The following CACNB2 variants were observed in gnomAD, a reference collection of about 807,000 sequenced individuals.
CACNB2 encodes calcium voltage-gated channel auxiliary subunit beta 2.
A neutral mutation model predicts 73.3 loss-of-function variants in CACNB2; 42 were observed. That is an observed-to-expected ratio of 0.57 (90% confidence interval 0.45 to 0.74). The LOEUF (loss-of-function observed/expected upper bound fraction) is 0.74. Among genes scored for constraint, CACNB2 ranks in the 30% least tolerant of loss-of-function variants. The pLI is 0.00. For missense variants in CACNB2, 940 were observed against 853.0 expected (o/e 1.10, Z -1.27); for synonymous variants, 348 against 310.3 (o/e 1.12, Z -1.28).
chr10:18,275,199 A>C (rs17682394), intron 2 of CACNB2, among the ~76,000 whole-genome samples: 1 of 152,132 alleles, frequency 6.6e-6, no homozygotes, highest in African/African-American at 2.4e-5. Flanking sequence ...CAGAGTTCCT[A>C]CAGATACCCC....
chr10:18,159,308 T>C (rs2032284499), intron 2 of CACNB2, among the ~76,000 whole-genome samples: 1 of 152,174 alleles, frequency 6.6e-6, no homozygotes, highest in African/African-American at 2.4e-5. Flanking sequence ...TTTCCATAGG[T>C]TGCTGCGTTG....
intron 2 of CACNB2, among the ~76,000 whole-genome samples, chr10:18,281,551 C>G (rs1278161855): frequency 4.6e-5 from 7 of 152,298 alleles, no homozygotes; most frequent in Middle Eastern, 6.8e-3. Context: ...AGATTGGGAG[C>G]TTCCCTTCCG....
At chr10:18,386,357 C>G (rs1272649427) in intron 2 of CACNB2, among the ~76,000 whole-genome samples, 2 of 150,198 alleles carry the variant, frequency 1.3e-5, no homozygotes, top group Non-Finnish European at 3.0e-5. Context: ...CTGTATATAT[C>G]ATCAGTATAT....
At chr10:18,461,764 CTTTTT>C (rs35385599) in intron 3 of CACNB2, among the ~76,000 whole-genome samples, 4 of 68,008 alleles carry the variant, frequency 5.9e-5, no homozygotes, top group East Asian at 8.4e-4. Flanking sequence ...TTCGATAAAG[CTTTTT>C]TTTTTTTTTT....
intron 3 of CACNB2, among the ~76,000 whole-genome samples, chr10:18,422,374 CT>C (rs1442627352): frequency 3.3e-5 from 5 of 152,196 alleles, no homozygotes; most frequent in Non-Finnish European, 7.3e-5. Context: ...CCCGATTGTC[CT>C]TTTTCCCTGG....
At chr10:18,382,839 G>T (rs1031585310) in intron 2 of CACNB2, among the ~76,000 whole-genome samples, 1 of 152,152 alleles carries the variant, frequency 6.6e-6, no homozygotes, top group African/African-American at 2.4e-5. Context: ...GAATAGTACT[G>T]CAATGTACAT....
chr10:18,506,936 C>T (rs1007511084), intron 6 of CACNB2, among the ~76,000 whole-genome samples: 1 of 152,174 alleles, frequency 6.6e-6, no homozygotes, highest in African/African-American at 2.4e-5. Context: ...GTAGCTGGGA[C>T]TACAGGTGCA....
intron 3 of CACNB2, among the ~76,000 whole-genome samples, chr10:18,486,631 C>T (rs915671483): frequency 2.0e-5 from 3 of 152,130 alleles, no homozygotes; most frequent in African/African-American, 7.2e-5. Flanking sequence ...TTAGTTCTTG[C>T]GTATACCCAT....
intron 2 of CACNB2, among the ~76,000 whole-genome samples, chr10:18,162,184 A>G (rs554718073): frequency 4.6e-5 from 7 of 152,322 alleles, no homozygotes; most frequent in Admixed American, 3.9e-4. Flanking sequence ...TTATACTTCC[A>G]TTTCTCATAG....
At chr10:18,220,170 CACAT>C (rs2035692729) in intron 2 of CACNB2, among the ~76,000 whole-genome samples, 4 of 62,900 alleles carry the variant, frequency 6.4e-5, no homozygotes, top group South Asian at 8.8e-4. Context: ...CACACACACA[CACAT>C]ACATATATAT....
intron 2 of CACNB2, among the ~76,000 whole-genome samples, chr10:18,392,199 C>T (rs1182778295): frequency 2.0e-5 from 3 of 151,912 alleles, no homozygotes; most frequent in African/African-American, 7.3e-5. Flanking sequence ...AGCGAGGTGG[C>T]AGGGAGAGGG....
intron 2 of CACNB2, chr10:18,260,804 G>A: frequency 9.8e-7 from 1 of 1,019,154 alleles, no homozygotes; most frequent in Non-Finnish European, 1.2e-6. Context: ...ATAAACAGCA[G>A]CAGGAGTAGG....
chr10:18,275,928 A>G (rs1353242800), intron 2 of CACNB2, among the ~76,000 whole-genome samples: 1 of 152,228 alleles, frequency 6.6e-6, no homozygotes, highest in East Asian at 1.9e-4. Context: ...GTTTCAAAAT[A>G]CGTTACTTAA....
chr10:18,213,753 G>T (rs1044811951), intron 2 of CACNB2, among the ~76,000 whole-genome samples: 1 of 152,206 alleles, frequency 6.6e-6, no homozygotes, highest in Non-Finnish European at 1.5e-5. Context: ...TACTTGCAAA[G>T]AAATATAATA....
intron 2 of CACNB2, among the ~76,000 whole-genome samples, chr10:18,223,105 G>A (rs1407635912): frequency 6.6e-6 from 1 of 152,112 alleles, no homozygotes; most frequent in Non-Finnish European, 1.5e-5. Flanking sequence ...ATATTTATGG[G>A]CATGACACAC....
At chr10:18,431,705 A>G (rs1054906315) in intron 3 of CACNB2, among the ~76,000 whole-genome samples, 1 of 152,238 alleles carries the variant, frequency 6.6e-6, no homozygotes, top group African/African-American at 2.4e-5. Context: ...GCCAAGAAAC[A>G]AAATGGATAA....
intron 2 of CACNB2, among the ~76,000 whole-genome samples, chr10:18,269,076 C>T (rs1418577857): frequency 6.6e-6 from 1 of 152,136 alleles, no homozygotes; most frequent in East Asian, 1.9e-4. Context: ...TGATAAGAAC[C>T]TGTTTCACGA....
At chr10:18,512,585 C>A (rs1169548246) in intron 6 of CACNB2, among the ~76,000 whole-genome samples, 2 of 152,058 alleles carry the variant, frequency 1.3e-5, no homozygotes, top group Non-Finnish European at 2.9e-5. Context: ...AATGTAATTG[C>A]GGTTTCGGAC....
At chr10:18,475,387 C>A (rs550871205) in intron 3 of CACNB2, among the ~76,000 whole-genome samples, 2 of 152,250 alleles carry the variant, frequency 1.3e-5, no homozygotes, top group East Asian at 3.9e-4. Context: ...CAGGCCCCAT[C>A]CCAAGGCTCT....
Sources: allele counts gnomAD v4.1 joint callset (sites outside exome capture counted in the v4.1 genomes callset), GRCh38; gene constraint gnomAD v4.1.1; transcripts MANE v1.5; gene names NCBI Gene and HGNC (gene_info 2026-07-23, HGNC 2026-07-21).